Variants in RGS7 observed in about 807,000 individuals in gnomAD.
RGS7 encodes regulator of G protein signaling 7, also known as regulator of G-protein signaling 7.
In RGS7, 27 loss-of-function variants were observed where a neutral mutation model predicts 81.1. The observed-to-expected ratio is 0.33, with a 90% CI of 0.25 to 0.46. The LOEUF is 0.46. Among genes scored for constraint, RGS7 ranks in the 20% least tolerant of loss-of-function variants. The pLI, the probability that RGS7 is intolerant of heterozygous loss-of-function variation, is 1.00. For synonymous variants in RGS7, 208 were observed against 207.7 expected (o/e 1.00, Z -0.01); for missense variants, 396 against 607.4 (o/e 0.65, Z 3.66).
intron 4 of RGS7, among the ~76,000 whole-genome samples, chr1:240,944,282 G>GTGTATA (rs1352421845): frequency 1.5e-3 from 81 of 55,780 alleles, no homozygotes; most frequent in Non-Finnish European, 2.1e-3. Flanking sequence ...GTGTGTGTGT[G>GTGTATA]TATATATATA....
At chr1:240,971,701 T>C (rs1683232710) in intron 4 of RGS7, among the ~76,000 whole-genome samples, 1 of 152,240 alleles carries the variant, frequency 6.6e-6, no homozygotes, top group African/African-American at 2.4e-5. Context: ...TTATACTTAA[T>C]GGCTCCAAAC....
At chr1:240,896,959 T>C (rs959273377) in intron 6 of RGS7, among the ~76,000 whole-genome samples, 8 of 152,198 alleles carry the variant, frequency 5.3e-5, no homozygotes, top group Non-Finnish European at 1.0e-4. Context: ...TTTTATTTCG[T>C]TGAGCAGTGG....
chr1:241,128,225 C>A (rs573210160), intron 2 of RGS7, among the ~76,000 whole-genome samples: 1 of 149,894 alleles, frequency 6.7e-6, no homozygotes, highest in East Asian at 2.0e-4. Flanking sequence ...TGCAGTGAGC[C>A]GAGATTGCGC....
intron 2 of RGS7, among the ~76,000 whole-genome samples, chr1:241,297,075 A>C (rs1230903887): frequency 6.6e-6 from 1 of 152,240 alleles, no homozygotes; most frequent in East Asian, 1.9e-4. Flanking sequence ...GTTGGCCCCT[A>C]AGTATATTTT....
intron 2 of RGS7, among the ~76,000 whole-genome samples, chr1:241,160,125 A>AG (rs1436461583): frequency 2.9e-4 from 41 of 141,414 alleles, no homozygotes; most frequent in East Asian, 1.2e-3. Context: ...AAAAAAAAAA[A>AG]AAAAAGAAAA....
chr1:241,103,351 G>T (rs540436769), intron 2 of RGS7, among the ~76,000 whole-genome samples: 1 of 152,164 alleles, frequency 6.6e-6, no homozygotes, highest in Non-Finnish European at 1.5e-5. Context: ...AACACTAGAC[G>T]ATGGGCATGG....
intron 6 of RGS7, among the ~76,000 whole-genome samples, chr1:240,924,383 A>G (rs539642094): frequency 2.0e-5 from 3 of 152,324 alleles, no homozygotes; most frequent in South Asian, 4.1e-4. Context: ...CCTTCACAAC[A>G]TACTGGAGAA....
At chr1:241,082,139 C>T (rs2148898384) in intron 3 of RGS7, among the ~76,000 whole-genome samples, 1 of 152,312 alleles carries the variant, frequency 6.6e-6, no homozygotes, top group Non-Finnish European at 1.5e-5. Flanking sequence ...ACCTGAGTTA[C>T]TTGCACAGAA....
rs1558321715 is a variant in RGS7, at chr1:241,327,135, AAAG to A, written c.78+28561_78+28563del. 5.0e-3 allele frequency among the ~76,000 whole-genome samples: 517 copies of A among 102,920 alleles called. 23 individuals carry two copies. Among genetic ancestry groups the A allele is most frequent in the Non-Finnish European group, 8.2e-3 (357 of 43,690 alleles). 67.5% of individuals were successfully genotyped at this position (102,920 alleles called of 152,430 possible). A position where few individuals can be genotyped will look rare whatever the true frequency, so the allele number is the denominator to read the frequency against. On this transcript the variant is annotated intron_variant, in intron 2 of 18. Transcript: ENST00000440928. ...GAAAGAAAGAAAGAAAGAAAGAAAG[AAAG>A]AAAGAAAGGAAAGAAAGAAAGAAAG...
chr1:240,971,775 T>A (rs994692346), intron 4 of RGS7, among the ~76,000 whole-genome samples: 2 of 152,212 alleles, frequency 1.3e-5, no homozygotes, highest in African/African-American at 4.8e-5. Flanking sequence ...AATGTTTTTA[T>A]ATAGTGGTCT....
chr1:241,156,132 TGATAGATAGATAGATAGATA>T, intron 2 of RGS7, among the ~76,000 whole-genome samples: 1 of 147,020 alleles, frequency 6.8e-6, no homozygotes, highest in East Asian at 2.0e-4. Context: ...AGATAAATGA[TGATAGATAGATAGATAGATA>T]GATAGATAGA....
At chr1:241,103,010 C>CAAAAAAAAAAA (rs59775668) in intron 2 of RGS7, among the ~76,000 whole-genome samples, 1 of 127,074 alleles carries the variant, frequency 7.9e-6, no homozygotes. Flanking sequence ...TACAAGCAAG[C>CAAAAAAAAAAA]AAAAAAAAAA....
At chr1:240,919,896 G>C in intron 6 of RGS7, 2 of 1,075,338 alleles carry the variant, frequency 1.9e-6, no homozygotes, top group South Asian at 2.5e-5. Context: ...GGATGGGAGA[G>C]TTGTGGAACC....
At chr1:240,993,133 A>AGGAC (rs1293050583) in intron 3 of RGS7, among the ~76,000 whole-genome samples, 1 of 130,528 alleles carries the variant, frequency 7.7e-6, no homozygotes, top group East Asian at 2.3e-4. Flanking sequence ...GAAGGAAGGA[A>AGGAC]GGAGGAAAGG....
intron 2 of RGS7, among the ~76,000 whole-genome samples, chr1:241,128,482 G>A (rs1052837098): frequency 2.6e-5 from 4 of 151,372 alleles, no homozygotes; most frequent in African/African-American, 9.7e-5. Context: ...AGCTACCAGG[G>A]AGGCTGAGGC....
intron 2 of RGS7, among the ~76,000 whole-genome samples, chr1:241,166,393 C>T (rs4660035): frequency 0.26 from 38,831 of 151,914 alleles, 5,037 homozygotes; most frequent in East Asian, 0.3. Context: ...TCAATGACTC[C>T]GGAGTAGATC....
intron 2 of RGS7, among the ~76,000 whole-genome samples, chr1:241,198,718 C>T (rs547136446): frequency 6.6e-6 from 1 of 152,074 alleles, no homozygotes; most frequent in Non-Finnish European, 1.5e-5. Flanking sequence ...AAATCTATAA[C>T]CTCAGTGTTG....
intron 4 of RGS7, among the ~76,000 whole-genome samples, chr1:240,938,133 T>C (rs1676954650): frequency 6.6e-6 from 1 of 152,162 alleles, no homozygotes. Context: ...AGGGGATTGG[T>C]TTGAGGACCT....
intron 9 of RGS7, among the ~76,000 whole-genome samples, chr1:240,851,685 T>A (rs1040943929): frequency 1.3e-5 from 2 of 152,162 alleles, no homozygotes; most frequent in Non-Finnish European, 2.9e-5. Flanking sequence ...ACATTTATGA[T>A]TCATGGGAGG....
Sources: gnomAD v4.1 joint callset for allele counts (sites outside exome capture counted in the v4.1 genomes callset) on GRCh38, gnomAD v4.1.1 for gene constraint, MANE v1.5 for transcripts, NCBI Gene and HGNC (gene_info 2026-07-23, HGNC 2026-07-21) for gene names.